Variants in EPB41L5 observed in about 807,000 individuals in gnomAD.
The protein encoded by EPB41L5 is band 4.1-like protein 5.
EPB41L5 carries 55 observed loss-of-function variants against 106.6 expected under a neutral mutation model. That is an observed-to-expected ratio of 0.52 (90% CI 0.42 to 0.65). The LOEUF (loss-of-function observed/expected upper bound fraction) is 0.65. EPB41L5 is among the 30% of genes least tolerant of loss of function. The pLI is 0.00. For missense variants in EPB41L5, 871 were observed against 882.1 expected (o/e 0.99, Z 0.16); for synonymous variants, 297 against 306.7 (o/e 0.97, Z 0.33).
chr2:120,107,428 C>T (rs1343666867), intron 16 of EPB41L5, among the ~76,000 whole-genome samples: 1 of 152,188 alleles, frequency 6.6e-6, no homozygotes, highest in African/African-American at 2.4e-5. Flanking sequence ...TTTCCCACCA[C>T]ATTCTTCCTT....
Position 120,118,802 on chromosome 2 carries a change from T to C in EPB41L5, c.1338-8886T>C, listed in dbSNP as rs534506089. Among the ~76,000 whole-genome samples, 18 of 152,346 alleles carry C rather than the reference T, an allele frequency of 1.2e-4. No homozygotes were observed. In the South Asian group the frequency reaches 3.1e-3, roughly 26 times the overall value. ...GGTGCATAGTGCTGTGATGGACATA[T>C]GCATGCATGTATTTCTACAATGGAA... On this transcript the variant is annotated intron_variant, in intron 16 of 24. Coordinates refer to ENST00000263713, the MANE Select transcript of EPB41L5 (RefSeq NM_020909.4).
chr2:120,102,227 A>C (rs1190898276), intron 16 of EPB41L5, among the ~76,000 whole-genome samples: 2 of 152,166 alleles, frequency 1.3e-5, no homozygotes, highest in Non-Finnish European at 1.5e-5. Context: ...TACATATTTA[A>C]ACCTGTTTGA....
intron 21 of EPB41L5, among the ~76,000 whole-genome samples, 186 bp from the exon 22 acceptor site, chr2:120,164,650 G>C (rs924089119): frequency 6.6e-6 from 1 of 152,282 alleles, no homozygotes; most frequent in Non-Finnish European, 1.5e-5. Context: ...CCTGATTGTA[G>C]TATAGGTTTC....
rs1171075697 is a variant in EPB41L5 at position 120,074,329 on chromosome 2, G to GT, written c.407+157dup. On this transcript the variant is annotated intron_variant, in intron 5 of 24. Transcript: ENST00000263713. ...ATAATAGAATTTTATTCTGGGACGT[G>GT]TTTTTTAAGTGTATGATTCTTTTCC... The GT allele has an allele frequency of 8.5e-6, 5 of 584,956 alleles. No individual in the cohort carries two copies. In the East Asian group the frequency reaches 1.2e-4, roughly 14 times the overall value. 36.2% of individuals were successfully genotyped at this position (584,956 alleles called of 1,614,324 possible). A position where few individuals can be genotyped will look rare whatever the true frequency, so the allele number is the denominator to read the frequency against.
chr2:120,036,493 C>T (rs1679045992), intron 2 of EPB41L5, among the ~76,000 whole-genome samples: 1 of 151,966 alleles, frequency 6.6e-6, no homozygotes, highest in African/African-American at 2.4e-5. Flanking sequence ...ATAAATATGT[C>T]CAAAATAAGG....
At chr2:120,061,466 G>T (rs1364986903) in intron 3 of EPB41L5, among the ~76,000 whole-genome samples, 2 of 149,900 alleles carry the variant, frequency 1.3e-5, no homozygotes, top group Admixed American at 1.3e-4. Context: ...CTCGTGATCC[G>T]CCCGCCTCGG....
chr2:120,105,880 A>G (rs1684424854), intron 16 of EPB41L5: 5 of 985,356 alleles, frequency 5.1e-6, no homozygotes, highest in Non-Finnish European at 4.8e-6. Flanking sequence ...GGGTTGTGCC[A>G]TTCAAGAAAA....
intron 20 of EPB41L5, among the ~76,000 whole-genome samples, chr2:120,152,921 G>A (rs1442688795): frequency 1.3e-5 from 2 of 152,056 alleles, no homozygotes; most frequent in East Asian, 3.9e-4. Flanking sequence ...CTTTTTATTT[G>A]TTTTTTACTG....
At chr2:120,137,808 A>G (rs1024413534) in intron 18 of EPB41L5, among the ~76,000 whole-genome samples, 2 of 152,130 alleles carry the variant, frequency 1.3e-5, no homozygotes, top group Non-Finnish European at 2.9e-5. Flanking sequence ...TACTCAAACT[A>G]TTCCAAAAAA....
At chr2:120,084,682 G>A (rs1292525328) in intron 10 of EPB41L5, among the ~76,000 whole-genome samples, 2 of 152,134 alleles carry the variant, frequency 1.3e-5, no homozygotes, top group East Asian at 3.9e-4. Context: ...GCCTCGCTAA[G>A]TTGGGGAAGT....
At chr2:120,018,687 C>G (rs1558797137) in intron 1 of EPB41L5, among the ~76,000 whole-genome samples, 1 of 151,598 alleles carries the variant, frequency 6.6e-6, no homozygotes, top group Non-Finnish European at 1.5e-5. Context: ...TGCTCTGTTG[C>G]CTGAGCTGGA....
At chr2:120,112,163 C>T (rs935895409) in intron 16 of EPB41L5, among the ~76,000 whole-genome samples, 2 of 151,950 alleles carry the variant, frequency 1.3e-5, no homozygotes, top group South Asian at 4.1e-4. Context: ...GTTTGTTTGT[C>T]CTCTCTATAC....
At chr2:120,153,111 T>A (rs1055645781) in intron 20 of EPB41L5, among the ~76,000 whole-genome samples, 1 of 152,178 alleles carries the variant, frequency 6.6e-6, no homozygotes, top group African/African-American at 2.4e-5. Context: ...GATTTTAAGA[T>A]CTTATTTTTA....
Position 120,075,720 on chromosome 2 carries a change from A to G in EPB41L5, c.472A>G (p.Thr158Ala). 6.2e-7 allele frequency: 1 copy of G among 1,613,722 alleles called. No homozygotes were observed. The highest frequency in any genetic ancestry group is 2.2e-5 in the East Asian group (1 of 44,814). Residue 158 changes from threonine to alanine, a missense_variant, in exon 7 of 25, where the codon ACA becomes GCA. By Grantham distance (58) the Thr-to-Ala change is moderately conservative (BLOSUM62 0). Coordinates refer to ENST00000263713, the MANE Select transcript of EPB41L5 (RefSeq NM_020909.4). ...TCTCAGATTAGACTGTCCCTTTGAT[A>G]CAGCAGTGCAATTGGCAGCTTATAA... ...LSGKLDCPFD[T>A]AVQLAAYNLQ...
At chr2:120,048,210 A>G (rs1679954657) in intron 3 of EPB41L5, among the ~76,000 whole-genome samples, 1 of 152,120 alleles carries the variant, frequency 6.6e-6, no homozygotes. Flanking sequence ...TTCTCTGTCA[A>G]TTGGAATAGT....
intron 2 of EPB41L5, among the ~76,000 whole-genome samples, chr2:120,023,119 C>T (rs559686603): frequency 2.5e-4 from 38 of 152,298 alleles, no homozygotes; most frequent in African/African-American, 8.4e-4. Context: ...AACTTTCTCC[C>T]ATTCTGTAGT....
intron 21 of EPB41L5, among the ~76,000 whole-genome samples, chr2:120,163,636 A>G (rs1216440274): frequency 6.7e-6 from 1 of 149,472 alleles, no homozygotes; most frequent in African/African-American, 2.5e-5. Context: ...ATTACCATAC[A>G]GAGTAGTACC....
intron 2 of EPB41L5, among the ~76,000 whole-genome samples, chr2:120,033,831 C>T (rs12105684): frequency 1.6e-3 from 237 of 151,688 alleles, no homozygotes; most frequent in African/African-American, 5.5e-3. Flanking sequence ...TGATGGCTCA[C>T]GCTTATAATC....
intron 3 of EPB41L5, among the ~76,000 whole-genome samples, chr2:120,045,509 T>C (rs1053550117): frequency 1.5e-4 from 23 of 152,080 alleles, no homozygotes; most frequent in African/African-American, 4.3e-4. Flanking sequence ...CAAGCACACT[T>C]CACAACTCAA....
Sources: allele counts gnomAD v4.1 joint callset (sites outside exome capture counted in the v4.1 genomes callset), GRCh38; gene constraint gnomAD v4.1.1; transcripts MANE v1.5; gene names NCBI Gene and HGNC (gene_info 2026-07-23, HGNC 2026-07-21).